Variants in PRKAR2B observed in about 807,000 individuals in gnomAD.
PRKAR2B encodes the protein cAMP-dependent protein kinase type II-beta regulatory subunit.
In PRKAR2B, 14 loss-of-function variants were observed where a neutral mutation model predicts 49.9. That is an observed-to-expected ratio of 0.28 (90% confidence interval 0.19 to 0.44). The LOEUF (loss-of-function observed/expected upper bound fraction) is 0.44, where lower values mean the gene tolerates loss of function less well. Ranked by LOEUF, PRKAR2B falls within the 20% of genes least tolerant of loss-of-function variation. The pLI is 1.00. For synonymous variants in PRKAR2B, 196 were observed against 197.7 expected, an observed-to-expected ratio of 0.99 and a Z score of 0.07; for missense variants, 393 against 537.9, an observed-to-expected ratio of 0.73 and a Z score of 2.67.
chr7:107,107,338 A>G (rs940919186), intron 2 of PRKAR2B, among the ~76,000 whole-genome samples: 5 of 150,268 alleles, frequency 3.3e-5, no homozygotes, highest in African/African-American at 1.2e-4. Flanking sequence ...CTCCATCTCA[A>G]AAAAAAAAAG....
At chr7:107,146,572 T>G (rs1795899060) in intron 6 of PRKAR2B, 111 bp downstream of exon 6, 2 of 1,225,770 alleles carry the variant, frequency 1.6e-6, no homozygotes, top group Non-Finnish European at 2.2e-6. Context: ...AGTCATCAGG[T>G]AATTTATTAA....
At chr7:107,089,822 TA>T (rs1316577385) in intron 2 of PRKAR2B, among the ~76,000 whole-genome samples, 8 of 152,240 alleles carry the variant, frequency 5.3e-5, no homozygotes, top group African/African-American at 1.7e-4. Flanking sequence ...GATAAGCAGA[TA>T]AAACAGTCAT....
chr7:107,126,345 CG>C (rs1337980106), intron 3 of PRKAR2B, among the ~76,000 whole-genome samples: 1 of 145,880 alleles, frequency 6.9e-6, no homozygotes, highest in Non-Finnish European at 1.5e-5. Flanking sequence ...GGCGTGAACC[CG>C]GGAGGCGGAG....
intron 2 of PRKAR2B, among the ~76,000 whole-genome samples, chr7:107,085,960 A>C (rs144412113): frequency 8.1e-4 from 124 of 152,330 alleles, no homozygotes; most frequent in African/African-American, 2.7e-3. Context: ...TGAAATTTGT[A>C]TAGGCATTGT....
chr7:107,057,007 G>T (rs1474753377), intron 1 of PRKAR2B, among the ~76,000 whole-genome samples: 1 of 152,152 alleles, frequency 6.6e-6, no homozygotes, highest in Non-Finnish European at 1.5e-5. Flanking sequence ...CATTGCATCT[G>T]CTTATGTGAA....
intron 1 of PRKAR2B, among the ~76,000 whole-genome samples, chr7:107,056,784 G>A (rs1793921798): frequency 1.3e-5 from 2 of 152,064 alleles, no homozygotes; most frequent in South Asian, 4.1e-4. Flanking sequence ...ATTTTAAGAT[G>A]TTTCATAAAA....
At chr7:107,079,171 C>A (rs1794465919) in intron 2 of PRKAR2B, among the ~76,000 whole-genome samples, 1 of 152,184 alleles carries the variant, frequency 6.6e-6, no homozygotes, top group African/African-American at 2.4e-5. Flanking sequence ...GTTTAGGTCA[C>A]TACTTCACCA....
chr7:107,053,187 A>G (rs1367605062), intron 1 of PRKAR2B, among the ~76,000 whole-genome samples: 1 of 152,108 alleles, frequency 6.6e-6, no homozygotes, highest in Non-Finnish European at 1.5e-5. Context: ...TAATTCTCTA[A>G]ATTTATTTTA....
chr7:107,051,719 A>G (rs898442605), intron 1 of PRKAR2B, among the ~76,000 whole-genome samples: 2 of 152,198 alleles, frequency 1.3e-5, no homozygotes, highest in African/African-American at 4.8e-5. Context: ...AGGCTCTGCC[A>G]TGTGTAGCTT....
At chr7:107,128,794 T>TTG (rs978901160) in intron 4 of PRKAR2B, 1 of 151,474 alleles carries the variant, frequency 6.6e-6, no homozygotes, top group Non-Finnish European at 1.5e-5. Context: ...GAGGTTTTTT[T>TTG]TTTTTTTTTT....
chr7:107,111,396 G>A (rs1466611630), intron 2 of PRKAR2B, among the ~76,000 whole-genome samples: 2 of 152,186 alleles, frequency 1.3e-5, no homozygotes, highest in South Asian at 2.1e-4. Context: ...GAGCCCCAGG[G>A]CCTTGAGTGA....
At chr7:107,151,772 G>C (rs984264398) in intron 7 of PRKAR2B, among the ~76,000 whole-genome samples, 2 of 152,128 alleles carry the variant, frequency 1.3e-5, no homozygotes, top group African/African-American at 4.8e-5. Flanking sequence ...GTGGCTCTCT[G>C]CCTGGCGTTG....
rs1796178299 is a variant in PRKAR2B, at chr7:107,160,457, A to T, written c.*875A>T. On this transcript the variant is annotated 3_prime_UTR_variant, in exon 11 of 11. Transcript: ENST00000265717. ...ATTCTTTAAGATTTTACACCTAAAA[A>T]ATCTCTCCTATCCCAAAAATAATGT... 1 of 152,174 alleles carries T rather than the reference A, an allele frequency of 6.6e-6. No individual in the cohort carries two copies. Among genetic ancestry groups the T allele is most frequent in the Non-Finnish European group, 1.5e-5 (1 of 68,014 alleles). 9.4% of individuals were successfully genotyped at this position (152,174 alleles called of 1,614,324 possible).
At position 107,044,920 on chromosome 7, in the gene PRKAR2B, A is replaced by G; in HGVS notation, c.13A>G (p.Ile5Val). The change falls in exon 1 of 11, where the codon ATC becomes GTC. Residue 5 changes from isoleucine to valine, a missense_variant. By Grantham distance (29) the Ile-to-Val change is conservative. Coordinates refer to ENST00000265717, the MANE Select transcript of PRKAR2B (RefSeq NM_002736.3). ...CCCCGGAGGCAGGATGAGCATCGAG[A>G]TCCCGGCGGGACTGACGGAGCTGCT... MSIE[I>V]PAGLTELLQG... The G allele has an allele frequency of 6.3e-7, 1 of 1,597,764 alleles. No individual in the cohort carries two copies. Among genetic ancestry groups the G allele is most frequent in the South Asian group, 1.1e-5 (1 of 88,934 alleles).
chr7:107,062,192 G>T (rs1794039405), intron 1 of PRKAR2B, among the ~76,000 whole-genome samples: 1 of 152,056 alleles, frequency 6.6e-6, no homozygotes, highest in Non-Finnish European at 1.5e-5. Context: ...AGAAATAAAA[G>T]TAACATTTAC....
At chr7:107,154,783 C>T (rs568059932) in intron 8 of PRKAR2B, among the ~76,000 whole-genome samples, 7 of 152,286 alleles carry the variant, frequency 4.6e-5, no homozygotes, top group African/African-American at 1.4e-4. Context: ...CAGACTGCAT[C>T]ATTGGAGATC....
intron 7 of PRKAR2B, among the ~76,000 whole-genome samples, chr7:107,152,406 T>C (rs1355105714): frequency 6.6e-6 from 1 of 152,214 alleles, no homozygotes; most frequent in Non-Finnish European, 1.5e-5. Context: ...CTGGAATGTC[T>C]TCCTACACAG....
At chr7:107,069,770 C>T (rs1179407338) in intron 1 of PRKAR2B, 1 of 152,458 alleles carries the variant, frequency 6.6e-6, no homozygotes, top group African/African-American at 2.4e-5. Context: ...GATATACTAT[C>T]CTTCAGCTAA....
At chr7:107,050,629 G>A (rs1793782950) in intron 1 of PRKAR2B, among the ~76,000 whole-genome samples, 1 of 152,070 alleles carries the variant, frequency 6.6e-6, no homozygotes, top group South Asian at 2.1e-4. Flanking sequence ...AAGTCCTACA[G>A]TGGAGGTTGG....
Sources: gnomAD v4.1 joint callset for allele counts (sites outside exome capture counted in the v4.1 genomes callset) on GRCh38, gnomAD v4.1.1 for gene constraint, MANE v1.5 for transcripts, NCBI Gene and HGNC (gene_info 2026-07-23, HGNC 2026-07-21) for gene names.